ITFG1: variants seen among roughly 807,000 people sequenced by gnomAD.
The protein encoded by ITFG1 is integrin alpha FG-GAP repeat containing 1.
In ITFG1, 34 loss-of-function variants were observed where a neutral mutation model predicts 81.8. That is an observed-to-expected ratio of 0.42 (90% CI 0.32 to 0.55). The LOEUF is 0.55. Among genes scored for constraint, ITFG1 ranks in the 20% least tolerant of loss-of-function variants. The probability of loss-of-function intolerance (pLI) is 0.17; values close to 1 mark genes in which losing one functional copy is unlikely to be tolerated. For missense variants in ITFG1, 672 were observed against 755.4 expected (o/e 0.89, Z 1.29); for synonymous variants, 285 against 270.6 (o/e 1.05, Z -0.52).
chr16:47,262,773 T>G (rs548726564), intron 10 of ITFG1: 1 of 152,426 alleles, frequency 6.6e-6, no homozygotes, highest in African/African-American at 2.4e-5. Flanking sequence ...TCACAGTTTA[T>G]GCAGATCTGC....
At chr16:47,419,295 G>T (rs532220445) in intron 6 of ITFG1, among the ~76,000 whole-genome samples, 2 of 152,112 alleles carry the variant, frequency 1.3e-5, no homozygotes, top group Admixed American at 6.5e-5. Flanking sequence ...TTGAGACAGG[G>T]TCTCACTCTG....
At chr16:47,332,600 CAT>C (rs1448264082) in intron 8 of ITFG1, among the ~76,000 whole-genome samples, 7 of 152,138 alleles carry the variant, frequency 4.6e-5, no homozygotes, top group African/African-American at 1.7e-4. Flanking sequence ...TTTCAAATTA[CAT>C]ATGTTAGAAC....
chr16:47,222,405 G>C (rs1258106314), intron 13 of ITFG1, among the ~76,000 whole-genome samples: 2 of 147,386 alleles, frequency 1.4e-5, no homozygotes. Context: ...TTTTGAGTGA[G>C]TTTCTTTCTT....
chr16:47,307,814 A>G (rs1418286092), intron 10 of ITFG1, among the ~76,000 whole-genome samples: 1 of 152,070 alleles, frequency 6.6e-6, no homozygotes, highest in African/African-American at 2.4e-5. Flanking sequence ...CCTCTCTAGT[A>G]GTTCCCAGTG....
intron 6 of ITFG1, among the ~76,000 whole-genome samples, chr16:47,413,816 G>A (rs1416770126): frequency 6.6e-6 from 1 of 152,038 alleles, no homozygotes; most frequent in Non-Finnish European, 1.5e-5. Flanking sequence ...AATACTCCTA[G>A]GATTGCACAA....
At chr16:47,422,295 C>T (rs1457635197) in intron 6 of ITFG1, among the ~76,000 whole-genome samples, 1 of 152,222 alleles carries the variant, frequency 6.6e-6, no homozygotes, top group Admixed American at 6.5e-5. Context: ...CTCACACCAA[C>T]AGTGTAAAAG....
chr16:47,438,141 G>A (rs923621016), intron 5 of ITFG1, among the ~76,000 whole-genome samples: 5 of 152,192 alleles, frequency 3.3e-5, no homozygotes, highest in African/African-American at 9.6e-5. Context: ...GGGTAGGGGC[G>A]CCTGCCATTG....
At chr16:47,280,226 C>T (rs1966437456) in intron 10 of ITFG1, among the ~76,000 whole-genome samples, 1 of 152,132 alleles carries the variant, frequency 6.6e-6, no homozygotes, top group Non-Finnish European at 1.5e-5. Context: ...TTACTTTCAC[C>T]ATTAATTATA....
intron 10 of ITFG1, among the ~76,000 whole-genome samples, chr16:47,307,591 C>T (rs1967190631): frequency 6.6e-6 from 1 of 152,180 alleles, no homozygotes; most frequent in Non-Finnish European, 1.5e-5. Flanking sequence ...AATAATGACA[C>T]AGAATGAGTT....
chr16:47,379,778 GC>G (rs1968372831), intron 6 of ITFG1, among the ~76,000 whole-genome samples: 1 of 151,838 alleles, frequency 6.6e-6, no homozygotes, highest in African/African-American at 2.4e-5. Context: ...GGCAGAGGCA[GC>G]CCCCAAATAA....
chr16:47,190,577 T>A (rs1965280540), intron 14 of ITFG1, among the ~76,000 whole-genome samples: 1 of 152,344 alleles, frequency 6.6e-6, no homozygotes, highest in African/African-American at 2.4e-5. Context: ...TCTTAAATTG[T>A]CACCTTCTGC....
intron 8 of ITFG1, among the ~76,000 whole-genome samples, chr16:47,349,937 G>A (rs1967925015): frequency 1.3e-5 from 2 of 152,198 alleles, no homozygotes; most frequent in East Asian, 3.8e-4. Context: ...CATGGAAACT[G>A]AACAACCTGC....
rs201107087 is a variant in ITFG1 at position 47,352,504 on chromosome 16, T to C, written c.802+13284A>G. Among the ~76,000 whole-genome samples, 43 of 152,118 alleles carry C rather than the reference T, an allele frequency of 2.8e-4. No individual in the cohort carries two copies. In the East Asian group the frequency reaches 6.2e-3, roughly 22 times the overall value. On this transcript the variant is annotated intron_variant, in intron 8 of 17. Transcript: ENST00000320640. ...CAGAGAAATGCAAATCAAAACCACA[T>C]TGAGATACCATCTATACCAGTTAGA... is the stretch of plus-strand genomic sequence containing the variant.
intron 12 of ITFG1, among the ~76,000 whole-genome samples, chr16:47,238,478 T>C (rs1367567337): frequency 6.6e-6 from 1 of 152,114 alleles, no homozygotes; most frequent in African/African-American, 2.4e-5. Flanking sequence ...ATAGCTAATA[T>C]AGAGAGCATA....
intron 6 of ITFG1, among the ~76,000 whole-genome samples, chr16:47,386,583 G>A (rs1239761248): frequency 6.6e-6 from 1 of 152,224 alleles, no homozygotes; most frequent in East Asian, 1.9e-4. Flanking sequence ...ACTAAGAATG[G>A]CAGGGGCCTA....
chr16:47,274,409 G>A (rs1567442944), intron 10 of ITFG1, among the ~76,000 whole-genome samples: 1 of 152,094 alleles, frequency 6.6e-6, no homozygotes, highest in Admixed American at 6.5e-5. Context: ...AACCAGGAAT[G>A]TATATAAAAT....
In ITFG1 at chr16:47,452,755, G is replaced by C. The variant is rs756595649; in HGVS notation, c.463C>G (p.Gln155Glu). The C allele has an allele frequency of 1.5e-5, 24 of 1,587,812 alleles. No individual in the cohort carries two copies. The highest frequency in any genetic ancestry group is 2.1e-5 in the Non-Finnish European group (24 of 1,163,800). The change falls in exon 4 of 18, where the codon CAA (glutamine) becomes GAA (glutamate). Residue 155 changes from glutamine to glutamate, a missense_variant. By Grantham distance (29) the Gln-to-Glu change is conservative. Around this residue, in one of 3 missense-constraint regions of ITFG1, gnomAD observed 560 missense variants for 625.7 expected, o/e 0.90. Coordinates refer to ENST00000320640, the MANE Select transcript of ITFG1 (RefSeq NM_030790.5). ...NNMTILNRTF[Q>E]DEPLIMDFNG... The stretch of plus-strand genomic sequence containing the variant: ...TACTCCATAATTAGTGGCTCATCTT[G>C]AAAAGTCCTATTGAGTATGGTCATA...
At position 47,218,844 on chromosome 16, in the gene ITFG1, T is replaced by G. The variant is rs375669129; in HGVS notation, c.1453+24A>C. On this transcript the variant is annotated intron_variant, in intron 14 of 17. Transcript: ENST00000320640. ...ATTGACTGAAGAAGCTTTTATACAT[T>G]ATGGACAATGTATCTGGTCTTACCT... 6.2e-6 allele frequency: 9 copies of G among 1,450,666 alleles called. No homozygotes were observed. In the African/African-American group the frequency reaches 1.3e-4, roughly 21 times the overall value. The allele number at this position is 1,450,666 out of a possible 1,614,324, so 89.9% of individuals were successfully genotyped here.
intron 8 of ITFG1, among the ~76,000 whole-genome samples, chr16:47,353,416 T>C (rs1967994159): frequency 6.6e-6 from 1 of 151,928 alleles, no homozygotes; most frequent in African/African-American, 2.4e-5. Context: ...ATAAAAACCA[T>C]ATATGACAAA....
Sources: allele counts gnomAD v4.1 joint callset (sites outside exome capture counted in the v4.1 genomes callset), GRCh38; gene constraint gnomAD v4.1.1; regional missense constraint gnomAD v4.1.1; transcripts MANE v1.5; gene names NCBI Gene and HGNC (gene_info 2026-07-23, HGNC 2026-07-21).